Variants in NPSR1 observed in about 807,000 individuals in gnomAD.
The protein encoded by NPSR1 is neuropeptide S receptor 1.
Under a neutral mutation model 46.9 loss-of-function variants are expected in NPSR1, and 48 were observed. The ratio of observed to expected loss-of-function variants is 1.02; its 90% CI spans 0.81 to 1.30. The LOEUF is 1.30. Among genes scored for constraint, NPSR1 ranks in the 50% most tolerant of loss-of-function variants. The pLI is 0.00. For synonymous variants in NPSR1, 176 were observed against 168.1 expected (o/e 1.05, Z -0.36); for missense variants, 450 against 449.5 (o/e 1.00, Z -0.01).
chr7:34,691,177 C>T (rs1793231172), intron 2 of NPSR1, among the ~76,000 whole-genome samples: 1 of 152,096 alleles, frequency 6.6e-6, no homozygotes, highest in African/African-American at 2.4e-5. Context: ...CAAATAAATG[C>T]TAAGGGAATT....
chr7:34,826,208 A>G (rs1789828466), intron 4 of NPSR1, among the ~76,000 whole-genome samples: 1 of 152,094 alleles, frequency 6.6e-6, no homozygotes, highest in African/African-American at 2.4e-5. Flanking sequence ...TTATAATTCT[A>G]CCCCAAGACT....
intron 2 of NPSR1, chr7:34,751,590 G>T: frequency 6.2e-7 from 1 of 1,601,798 alleles, no homozygotes; most frequent in Non-Finnish European, 8.6e-7. Context: ...GTTCTTCCCG[G>T]AGAACTCGGC....
chr7:34,744,085 A>G (rs1785088458), intron 2 of NPSR1, among the ~76,000 whole-genome samples: 1 of 152,178 alleles, frequency 6.6e-6, no homozygotes, highest in Non-Finnish European at 1.5e-5. Context: ...AGAACTTGCT[A>G]AAATCTGAAG....
At chr7:34,868,239 C>T (rs1167626550) in intron 8 of NPSR1, among the ~76,000 whole-genome samples, 1 of 151,590 alleles carries the variant, frequency 6.6e-6, no homozygotes, top group Admixed American at 6.6e-5. Context: ...GGGTCTAAAA[C>T]CTCTGCTCCC....
At chr7:34,771,363 C>T (rs1039372961) in intron 2 of NPSR1, among the ~76,000 whole-genome samples, 14 of 152,234 alleles carry the variant, frequency 9.2e-5, no homozygotes, top group Middle Eastern at 6.8e-3. Flanking sequence ...TCACTTGATC[C>T]TGGGAAGTTG....
At chr7:34,790,855 T>A (rs866739200) in intron 3 of NPSR1, among the ~76,000 whole-genome samples, 10 of 127,450 alleles carry the variant, frequency 7.8e-5, no homozygotes, top group South Asian at 6.9e-4. Flanking sequence ...ATGTTATATG[T>A]TATGTTATAT....
At chr7:34,776,288 A>G (rs1284591526) in intron 2 of NPSR1, among the ~76,000 whole-genome samples, 1 of 152,148 alleles carries the variant, frequency 6.6e-6, no homozygotes, top group South Asian at 2.1e-4. Context: ...TCCAATGGTG[A>G]AATTGTGGTG....
intron 8 of NPSR1, among the ~76,000 whole-genome samples, chr7:34,876,650 C>T (rs776421869): frequency 6.6e-6 from 1 of 152,102 alleles, no homozygotes; most frequent in South Asian, 2.1e-4. Context: ...TAAGTGGGGA[C>T]TTCAAAAGAG....
intron 8 of NPSR1, among the ~76,000 whole-genome samples, chr7:34,868,331 G>A (rs534268867): frequency 5.3e-5 from 8 of 151,686 alleles, no homozygotes; most frequent in Admixed American, 6.5e-5. Context: ...TGTTACTCCC[G>A]CCTGGCCTAT....
intron 4 of NPSR1, among the ~76,000 whole-genome samples, chr7:34,813,300 T>C (rs970963826): frequency 9.2e-5 from 14 of 152,242 alleles, no homozygotes; most frequent in African/African-American, 3.1e-4. Flanking sequence ...TATTTTAATA[T>C]TCATAATATC....
At chr7:34,703,015 C>G (rs1793913133) in intron 2 of NPSR1, among the ~76,000 whole-genome samples, 1 of 152,214 alleles carries the variant, frequency 6.6e-6, no homozygotes, top group South Asian at 2.1e-4. Context: ...CAGAGATTCT[C>G]TCCGTTCCTC....
At chr7:34,677,137 C>G (rs918620513) in intron 1 of NPSR1, among the ~76,000 whole-genome samples, 60 of 152,280 alleles carry the variant, frequency 3.9e-4, no homozygotes, top group African/African-American at 1.3e-3. Context: ...TCCAACAATG[C>G]AGATCTGAGC....
rs1027196076 is a variant in NPSR1 at position 34,801,901 on chromosome 7, A to G, written c.385-9869A>G. ...ACAAAATCAATGTACAAAAATCACAAGCATTCTTATACACCAATAACAGAC... is the reference window on the plus strand; with the variant it reads ...ACAAAATCAATGTACAAAAATCACAGGCATTCTTATACACCAATAACAGAC... On this transcript the variant is annotated intron_variant, in intron 3 of 8. Coordinates refer to ENST00000360581, the MANE Select transcript of NPSR1 (RefSeq NM_207172.2). 2.8e-4 allele frequency among the ~76,000 whole-genome samples: 42 copies of G among 149,948 alleles called. 2 individuals carry two copies. The highest frequency in any genetic ancestry group is 9.4e-4 in the African/African-American group (37 of 39,304).
chr7:34,751,317 G>T, intron 2 of NPSR1: 1 of 1,009,296 alleles, frequency 9.9e-7, no homozygotes, highest in Non-Finnish European at 1.6e-6. Context: ...AAGTGGTACT[G>T]ATCATGCAGA....
At chr7:34,758,518 T>A (rs557243723) in intron 2 of NPSR1, among the ~76,000 whole-genome samples, 6 of 152,358 alleles carry the variant, frequency 3.9e-5, no homozygotes, top group African/African-American at 1.4e-4. Context: ...AGCCATCATA[T>A]TCTGCCAGCT....
intron 4 of NPSR1, among the ~76,000 whole-genome samples, chr7:34,822,094 G>A (rs1040049681): frequency 2.6e-5 from 4 of 152,178 alleles, no homozygotes; most frequent in African/African-American, 7.2e-5. Flanking sequence ...TTCAGCCCCC[G>A]GGAGAACTCC....
chr7:34,791,042 TTA>T (rs548592481), intron 3 of NPSR1, among the ~76,000 whole-genome samples: 2,197 of 121,294 alleles, frequency 0.018, 200 homozygotes, highest in African/African-American at 0.076. Flanking sequence ...ATATATTATA[TTA>T]TATATGTTAT....
chr7:34,666,920 C>T (rs992773427), intron 1 of NPSR1, among the ~76,000 whole-genome samples: 4 of 152,182 alleles, frequency 2.6e-5, no homozygotes, highest in African/African-American at 9.7e-5. Context: ...TTCTCCCCCT[C>T]CTCAAAGAAA....
intron 2 of NPSR1, among the ~76,000 whole-genome samples, chr7:34,700,273 A>G (rs1004538050): frequency 1.3e-5 from 2 of 152,200 alleles, no homozygotes; most frequent in African/African-American, 4.8e-5. Flanking sequence ...ATGTTCCCAG[A>G]TGAATACTGC....
Sources: gnomAD v4.1 joint callset for allele counts (sites outside exome capture counted in the v4.1 genomes callset) on GRCh38, gnomAD v4.1.1 for gene constraint, MANE v1.5 for transcripts, NCBI Gene and HGNC (gene_info 2026-07-23, HGNC 2026-07-21) for gene names.